GRID1: variants seen among roughly 807,000 people sequenced by gnomAD.
GRID1 encodes glutamate ionotropic receptor delta type subunit 1.
GRID1 carries 28 observed loss-of-function variants against 98.0 expected under a neutral mutation model. The observed-to-expected ratio is 0.29, with a 90% CI of 0.21 to 0.39. The LOEUF is 0.39. Among genes scored for constraint, GRID1 ranks in the 10% least tolerant of loss-of-function variants. The probability of loss-of-function intolerance (pLI) is 1.00; values close to 1 mark genes in which losing one functional copy is unlikely to be tolerated. For missense variants in GRID1, 1,111 were observed against 1,340.5 expected, an observed-to-expected ratio of 0.83 and a Z score of 2.67; for synonymous variants, 553 against 538.5, an observed-to-expected ratio of 1.03 and a Z score of -0.37.
chr10:85,635,466 C>T (rs1843028491), intron 13 of GRID1, among the ~76,000 whole-genome samples: 1 of 152,164 alleles, frequency 6.6e-6, no homozygotes, highest in Non-Finnish European at 1.5e-5. Flanking sequence ...AGCAATTTTG[C>T]TGCTCACTCA....
At chr10:86,074,493 C>A (rs533571140) in intron 4 of GRID1, among the ~76,000 whole-genome samples, 2 of 152,246 alleles carry the variant, frequency 1.3e-5, no homozygotes, top group Non-Finnish European at 2.9e-5. Flanking sequence ...ATTTCATTGT[C>A]ATTGATGATG....
chr10:86,043,516 T>A (rs1206112750), intron 4 of GRID1, among the ~76,000 whole-genome samples: 1 of 152,170 alleles, frequency 6.6e-6, no homozygotes, highest in East Asian at 1.9e-4. Context: ...TGGTGATCCT[T>A]GCCCTCATTA....
intron 12 of GRID1, among the ~76,000 whole-genome samples, chr10:85,721,739 A>G (rs1484673653): frequency 6.6e-6 from 1 of 152,204 alleles, no homozygotes; most frequent in East Asian, 1.9e-4. Context: ...TAAAAGGACA[A>G]CACAAAGGAT....
At chr10:86,145,542 C>CCACATATACACACACACA (rs1554855885) in intron 3 of GRID1, among the ~76,000 whole-genome samples, 9 of 148,334 alleles carry the variant, frequency 6.1e-5, no homozygotes, top group South Asian at 2.2e-4. Context: ...TGGACATCCT[C>CCACATATACACACACACA]CACATACACA....
intron 2 of GRID1, among the ~76,000 whole-genome samples, chr10:86,242,271 G>C (rs772120335): frequency 6.6e-6 from 1 of 152,190 alleles, no homozygotes; most frequent in Non-Finnish European, 1.5e-5. Flanking sequence ...ATCGGAGGAG[G>C]ACAATGGCAT....
chr10:86,364,039 G>A lies in GRID1; in HGVS notation c.137C>T (p.Ser46Phe). Residue 46 changes from serine (S) to phenylalanine (F), a missense_variant, in exon 2 of 16, where the codon TCC becomes TTC. This residue lies in a region of GRID1 where 346 missense variants were observed against 452.3 expected (regional missense o/e 0.76). Transcript: ENST00000327946. The part of the protein sequence containing the change: ...KDDRVFQLAV[S>F]DLSLNDDILQ... ...GATGTCATCGTTGAGGCTCAGGTCG[G>A]ATACCGCCAACTGGAACACCCTGTC... The A allele has an allele frequency of 6.2e-7, 1 of 1,613,924 alleles. No homozygotes were observed. Among genetic ancestry groups the A allele is most frequent in the Non-Finnish European group, 8.5e-7 (1 of 1,179,782 alleles).
At chr10:85,795,700 A>G (rs1323988750) in intron 8 of GRID1, among the ~76,000 whole-genome samples, 1 of 152,198 alleles carries the variant, frequency 6.6e-6, no homozygotes, top group Non-Finnish European at 1.5e-5. Context: ...GAATCCTGGC[A>G]CCCATAATGC....
intron 2 of GRID1, among the ~76,000 whole-genome samples, chr10:86,274,532 C>T (rs1016422100): frequency 2.6e-5 from 4 of 152,126 alleles, no homozygotes; most frequent in Non-Finnish European, 5.9e-5. Context: ...ATTGATTCTT[C>T]CTACCCATGA....
intron 14 of GRID1, among the ~76,000 whole-genome samples, chr10:85,616,365 G>A (rs1842788509): frequency 6.6e-6 from 1 of 152,222 alleles, no homozygotes. Flanking sequence ...TTCTGACCCA[G>A]GAGGCCATGC....
intron 4 of GRID1, among the ~76,000 whole-genome samples, chr10:86,119,476 G>A (rs1160098329): frequency 6.6e-6 from 1 of 152,102 alleles, no homozygotes; most frequent in Non-Finnish European, 1.5e-5. Flanking sequence ...ACTGGGTGTG[G>A]GGTATATGAG....
At chr10:86,257,486 A>C (rs151205019) in intron 2 of GRID1, among the ~76,000 whole-genome samples, 160 of 152,356 alleles carry the variant, frequency 1.1e-3, no homozygotes, top group African/African-American at 3.7e-3. Context: ...GAAAAGACTC[A>C]ACTAGGAGCT....
chr10:86,139,105 G>C, intron 3 of GRID1, 81 bp from the exon 4 acceptor site: 1 of 943,048 alleles, frequency 1.1e-6, no homozygotes, highest in Admixed American at 1.8e-5. Flanking sequence ...ACTGCAACAC[G>C]TTCCACCCAT....
chr10:85,850,962 C>A (rs143278397), intron 8 of GRID1, among the ~76,000 whole-genome samples: 6 of 152,130 alleles, frequency 3.9e-5, no homozygotes, highest in Non-Finnish European at 8.8e-5. Flanking sequence ...AGTTCCTGCC[C>A]GCTCCCTACA....
At chr10:85,996,478 C>T (rs61856014) in intron 4 of GRID1, among the ~76,000 whole-genome samples, 8,539 of 151,988 alleles carry the variant, frequency 0.056, 302 homozygotes, top group Middle Eastern at 0.092. Context: ...CAATGAAGAA[C>T]GATGATGACA....
intron 8 of GRID1, among the ~76,000 whole-genome samples, chr10:85,852,743 C>T (rs1347275359): frequency 1.3e-5 from 2 of 152,140 alleles, no homozygotes; most frequent in Non-Finnish European, 2.9e-5. Context: ...GTGGTCATGA[C>T]CCAGACCAAT....
intron 8 of GRID1, among the ~76,000 whole-genome samples, chr10:85,745,964 C>T (rs1052204514): frequency 2.6e-5 from 4 of 152,224 alleles, no homozygotes; most frequent in South Asian, 4.1e-4. Flanking sequence ...GAGGAGTTAA[C>T]GACATGAGAC....
At chr10:86,362,525 C>G (rs528210740) in intron 2 of GRID1, among the ~76,000 whole-genome samples, 18 of 152,294 alleles carry the variant, frequency 1.2e-4, no homozygotes, top group African/African-American at 3.9e-4. Context: ...CCTCACCCCC[C>G]CTAAAAGAAA....
At chr10:85,874,480 C>T (rs1364326867) in intron 5 of GRID1, among the ~76,000 whole-genome samples, 1 of 152,158 alleles carries the variant, frequency 6.6e-6, no homozygotes, top group African/African-American at 2.4e-5. Flanking sequence ...ATCTTTTATA[C>T]ACTTATGAAT....
intron 4 of GRID1, among the ~76,000 whole-genome samples, chr10:85,947,569 C>T (rs936718948): frequency 1.3e-5 from 2 of 152,166 alleles, no homozygotes; most frequent in Admixed American, 6.5e-5. Context: ...CACAAGTGCA[C>T]GTCCATGGAG....
Sources: allele counts gnomAD v4.1 joint callset (sites outside exome capture counted in the v4.1 genomes callset), GRCh38; gene constraint gnomAD v4.1.1; regional missense constraint gnomAD v4.1.1; transcripts MANE v1.5; gene names NCBI Gene and HGNC (gene_info 2026-07-23, HGNC 2026-07-21).